The following TMTC2 variants were observed in gnomAD, a reference collection of about 807,000 sequenced individuals.
The protein encoded by TMTC2 is transmembrane O-mannosyltransferase targeting cadherins 2.
In TMTC2, 43 loss-of-function variants were observed where a neutral mutation model predicts 82.4. That is an observed-to-expected ratio of 0.52 (90% confidence interval 0.41 to 0.67). The LOEUF (loss-of-function observed/expected upper bound fraction) is 0.67. Among genes scored for constraint, TMTC2 ranks in the 30% least tolerant of loss-of-function variants. TMTC2 has a pLI of 0.00. For synonymous variants in TMTC2, 408 were observed against 381.9 expected, an observed-to-expected ratio of 1.07 and a Z score of -0.80; for missense variants, 919 against 1,012.4, an observed-to-expected ratio of 0.91 and a Z score of 1.25.
rs558883472 is a variant in TMTC2 at position 82,931,118 on chromosome 12, C to G, written c.1598+573C>G. Among the ~76,000 whole-genome samples, 5 of 152,072 alleles carry G rather than the reference C, an allele frequency of 3.3e-5. No homozygotes were observed. The South Asian group carries it at 1.0e-3, about 32-fold the overall frequency. ...AGAGATGTGGACTCACTATATTGCCCAGACTGGTGCCTAACTCCTGGCCTG... is the reference window on the plus strand; with the variant it reads ...AGAGATGTGGACTCACTATATTGCCGAGACTGGTGCCTAACTCCTGGCCTG... On this transcript the variant is annotated intron_variant, in intron 4 of 11. Coordinates refer to ENST00000321196, the MANE Select transcript of TMTC2 (RefSeq NM_152588.3).
rs548636860 is a variant in TMTC2, at chr12:83,000,166, G to A, written c.2070+14120G>A. Reference sequence around the variant, plus strand: ...ATTTTTTTTTTTGAGGCAGATTCTCGCTCTGTCGCCCAGGCTGGAGTGCAG... The same window carrying A: ...ATTTTTTTTTTTGAGGCAGATTCTCACTCTGTCGCCCAGGCTGGAGTGCAG... On this transcript the variant is annotated intron_variant, in intron 8 of 11. Transcript: ENST00000321196. Among the ~76,000 whole-genome samples the A allele has an allele frequency of 6.8e-4, 103 of 151,730 alleles. 1 individual carries two copies. The highest frequency in any genetic ancestry group is 1.0e-3 in the Non-Finnish European group (71 of 67,920).
At chr12:82,806,077 G>A (rs1879228225) in intron 1 of TMTC2, among the ~76,000 whole-genome samples, 1 of 152,070 alleles carries the variant, frequency 6.6e-6, no homozygotes, top group East Asian at 1.9e-4. Flanking sequence ...ATATGAACAA[G>A]GTGCTGTGGA....
At chr12:82,761,403 T>C (rs1802940820) in intron 1 of TMTC2, among the ~76,000 whole-genome samples, 1 of 152,136 alleles carries the variant, frequency 6.6e-6, no homozygotes, top group Admixed American at 6.6e-5. Context: ...ATGAGTACAG[T>C]GTCAGTTGGG....
chr12:83,080,982 G>A (rs938205825), intron 11 of TMTC2, among the ~76,000 whole-genome samples: 1 of 152,170 alleles, frequency 6.6e-6, no homozygotes, highest in South Asian at 2.1e-4. Context: ...GCTAAAACAA[G>A]CCCTGTGGAT....
intron 1 of TMTC2, among the ~76,000 whole-genome samples, chr12:82,692,481 G>A (rs1409773052): frequency 6.6e-6 from 1 of 152,164 alleles, no homozygotes; most frequent in Non-Finnish European, 1.5e-5. Context: ...ACTGTCTTTC[G>A]TAGGCTAAAG....
intron 7 of TMTC2, among the ~76,000 whole-genome samples, chr12:82,984,167 T>G (rs975084410): frequency 6.6e-6 from 1 of 152,140 alleles, no homozygotes; most frequent in Non-Finnish European, 1.5e-5. Flanking sequence ...CTTAGACATA[T>G]AATTTAATTT....
At chr12:82,996,775 A>G (rs1326517845) in intron 8 of TMTC2, among the ~76,000 whole-genome samples, 3 of 152,196 alleles carry the variant, frequency 2.0e-5, no homozygotes, top group Non-Finnish European at 4.4e-5. Flanking sequence ...TCTCTGAAAG[A>G]TGAAACCTGA....
intron 3 of TMTC2, among the ~76,000 whole-genome samples, chr12:82,913,798 C>T (rs186778920): frequency 1.8e-4 from 27 of 152,174 alleles, no homozygotes; most frequent in South Asian, 6.2e-4. Flanking sequence ...ACTCAAGTAC[C>T]GTTGTCCCTT....
chr12:82,996,533 G>C (rs940110740), intron 8 of TMTC2, among the ~76,000 whole-genome samples: 4 of 152,174 alleles, frequency 2.6e-5, no homozygotes, highest in African/African-American at 9.7e-5. Flanking sequence ...GTACATTCTT[G>C]AGCATATACT....
At position 83,132,593 on chromosome 12, in the gene TMTC2, C is replaced by T. The variant is rs1320183972; in HGVS notation, c.*204C>T. The T allele has an allele frequency of 1.8e-6, 1 of 565,440 alleles. No individual in the cohort carries two copies. The highest frequency in any genetic ancestry group is 2.0e-5 in the African/African-American group (1 of 51,006). 35.0% of individuals were successfully genotyped at this position (565,440 alleles called of 1,614,324 possible). A position where few individuals can be genotyped will look rare whatever the true frequency, so the allele number is the denominator to read the frequency against. On this transcript the variant is annotated 3_prime_UTR_variant, in exon 12 of 12. Coordinates refer to ENST00000321196, the MANE Select transcript of TMTC2 (RefSeq NM_152588.3). Reference sequence around the variant, plus strand: ...CAAAAAGGGGAAAGCCGGAAACCTCCTGGAGGATGTCATTGTTACCCATAG... The same window carrying T: ...CAAAAAGGGGAAAGCCGGAAACCTCTTGGAGGATGTCATTGTTACCCATAG...
chr12:82,766,296 A>T (rs1292096749), intron 1 of TMTC2, among the ~76,000 whole-genome samples: 2 of 152,160 alleles, frequency 1.3e-5, no homozygotes, highest in Non-Finnish European at 2.9e-5. Context: ...CTTATCTGTG[A>T]CTACATTCTT....
intron 4 of TMTC2, among the ~76,000 whole-genome samples, chr12:82,948,325 A>G (rs893652071): frequency 6.6e-6 from 1 of 151,820 alleles, no homozygotes; most frequent in Non-Finnish European, 1.5e-5. Flanking sequence ...TGCTTATACC[A>G]CTGCACTCCA....
chr12:82,728,775 A>G (rs753262585), intron 1 of TMTC2, among the ~76,000 whole-genome samples: 5 of 152,196 alleles, frequency 3.3e-5, no homozygotes, highest in Non-Finnish European at 5.9e-5. Flanking sequence ...GTGGAGGCAG[A>G]GGCGTGGGCA....
chr12:82,945,981 T>C (rs1459989264), intron 4 of TMTC2, among the ~76,000 whole-genome samples: 2 of 152,208 alleles, frequency 1.3e-5, no homozygotes, highest in Non-Finnish European at 2.9e-5. Context: ...TACTAAATAA[T>C]ACATTATTTC....
At chr12:82,847,172 C>T (rs1472296507) in intron 1 of TMTC2, among the ~76,000 whole-genome samples, 1 of 152,132 alleles carries the variant, frequency 6.6e-6, no homozygotes, top group Non-Finnish European at 1.5e-5. Context: ...TGGCTTATCC[C>T]TAAAGAGGTA....
chr12:82,950,100 C>A lies in TMTC2; in HGVS notation c.1599-14924C>A, dbSNP rs552369426. Among the ~76,000 whole-genome samples, 3 of 152,278 alleles carry A rather than the reference C, an allele frequency of 2.0e-5. No homozygotes were observed. In the East Asian group the frequency reaches 5.8e-4, roughly 29 times the overall value. On this transcript the variant is annotated intron_variant, in intron 4 of 11. Transcript: ENST00000321196. The stretch of plus-strand genomic sequence containing the variant: ...TTAATACTAAGCTAAAAGCAGTCAC[C>A]TATTCCCAGTGTTGGTGATTTGAAG...
chr12:82,732,077 C>T (rs1874843418), intron 1 of TMTC2, among the ~76,000 whole-genome samples: 1 of 152,222 alleles, frequency 6.6e-6, no homozygotes, highest in East Asian at 1.9e-4. Context: ...TTTTTGGAAA[C>T]TAAGAATTGT....
intron 11 of TMTC2, among the ~76,000 whole-genome samples, chr12:83,117,518 C>G (rs1884800240): frequency 6.6e-6 from 1 of 152,098 alleles, no homozygotes; most frequent in Non-Finnish European, 1.5e-5. Context: ...ATCTATGTGC[C>G]TATTTTTATA....
At chr12:83,071,157 T>G (rs548926809) in intron 11 of TMTC2, among the ~76,000 whole-genome samples, 4 of 115,718 alleles carry the variant, frequency 3.5e-5, no homozygotes, top group South Asian at 6.3e-4. Flanking sequence ...TTGTTTTTTT[T>G]TTTGTTTTTT....
Sources: gnomAD v4.1 joint callset for allele counts (sites outside exome capture counted in the v4.1 genomes callset) on GRCh38, gnomAD v4.1.1 for gene constraint, MANE v1.5 for transcripts, NCBI Gene and HGNC (gene_info 2026-07-23, HGNC 2026-07-21) for gene names.